CADM2: variants seen among roughly 807,000 people sequenced by gnomAD.
CADM2 encodes the protein immunoglobulin superfamily member 4D.
CADM2 carries 12 observed loss-of-function variants against 49.8 expected under a neutral mutation model. That is an observed-to-expected ratio of 0.24 (90% CI 0.15 to 0.39). CADM2 has a LOEUF of 0.39. Among genes scored for constraint, CADM2 ranks in the 10% least tolerant of loss-of-function variants. The pLI, the probability that CADM2 is intolerant of heterozygous loss-of-function variation, is 1.00. For missense variants in CADM2, 378 were observed against 492.3 expected, an observed-to-expected ratio of 0.77 and a Z score of 2.20; for synonymous variants, 214 against 175.4, an observed-to-expected ratio of 1.22 and a Z score of -1.74.
rs138228983 is a variant in CADM2 at position 85,260,829 on chromosome 3, G to A, written c.61+301161G>A. Among the ~76,000 whole-genome samples, 18 of 152,190 alleles carry A rather than the reference G, an allele frequency of 1.2e-4. No individual in the cohort carries two copies. In the East Asian group the frequency reaches 2.1e-3, roughly 18 times the overall value. The stretch of plus-strand genomic sequence containing the variant: ...TAGTTTTTAATCTATCATTAGTAAC[G>A]AATTCTTTGTTAAACCTTGTGACTC... On this transcript the variant is annotated intron_variant, in intron 1 of 9. Transcript: ENST00000383699.
At chr3:85,651,458 T>A (rs1051876886) in intron 1 of CADM2, among the ~76,000 whole-genome samples, 1 of 152,106 alleles carries the variant, frequency 6.6e-6, no homozygotes. Context: ...TATGAAGACA[T>A]GGTCAGTTAA....
intron 1 of CADM2, among the ~76,000 whole-genome samples, chr3:85,100,997 T>A (rs2037989844): frequency 6.6e-6 from 1 of 152,196 alleles, no homozygotes; most frequent in Non-Finnish European, 1.5e-5. Context: ...GGCTCACGAC[T>A]GTAATCCCAG....
intron 1 of CADM2, among the ~76,000 whole-genome samples, chr3:85,153,307 T>C (rs1390645947): frequency 2.0e-5 from 3 of 152,244 alleles, no homozygotes; most frequent in Non-Finnish European, 4.4e-5. Context: ...CCTTTCCTAG[T>C]CAAAGAAAGG....
At chr3:85,675,769 G>GT (rs1296914381) in intron 1 of CADM2, among the ~76,000 whole-genome samples, 1 of 152,142 alleles carries the variant, frequency 6.6e-6, no homozygotes, top group Admixed American at 6.5e-5. Flanking sequence ...GTACTTTTGT[G>GT]ACAAAAGTGT....
chr3:85,860,074 T>C (rs1017724816), intron 3 of CADM2, among the ~76,000 whole-genome samples: 4 of 152,172 alleles, frequency 2.6e-5, no homozygotes, highest in African/African-American at 9.7e-5. Context: ...AGTTGTTATA[T>C]TGTGAGCCTG....
chr3:85,445,456 A>G (rs1332812610), intron 1 of CADM2, among the ~76,000 whole-genome samples: 1 of 152,068 alleles, frequency 6.6e-6, no homozygotes, highest in African/African-American at 2.4e-5. Context: ...TAGATAAAAC[A>G]TACTGTTGTA....
intron 1 of CADM2, among the ~76,000 whole-genome samples, chr3:85,283,599 A>G (rs1238967033): frequency 6.7e-6 from 1 of 150,170 alleles, no homozygotes; most frequent in Non-Finnish European, 1.5e-5. Context: ...GTATGCAAAC[A>G]TATGCATTGG....
Position 86,073,801 on chromosome 3 carries a change from C to T in CADM2, c.*7018C>T, listed in dbSNP as rs1333127014. ...TATGCCAAACACATTATTTTGAATA[C>T]CTTTTTTTCAACTTCATACATTATC... On this transcript the variant is annotated 3_prime_UTR_variant, in exon 10 of 10. Transcript: ENST00000383699. 2 of 151,906 alleles carry T rather than the reference C, an allele frequency of 1.3e-5. No individual in the cohort carries two copies. Among genetic ancestry groups the T allele is most frequent in the Non-Finnish European group, 2.9e-5 (2 of 67,878 alleles). 9.4% of individuals were successfully genotyped at this position (151,906 alleles called of 1,614,324 possible).
At chr3:85,342,627 A>T (rs2030006468) in intron 1 of CADM2, among the ~76,000 whole-genome samples, 1 of 146,354 alleles carries the variant, frequency 6.8e-6, no homozygotes, top group Admixed American at 7.0e-5. Context: ...AGAGAAGGGT[A>T]TTGGATAAGA....
At chr3:85,189,552 T>C (rs1342271682) in intron 1 of CADM2, among the ~76,000 whole-genome samples, 1 of 152,214 alleles carries the variant, frequency 6.6e-6, no homozygotes, top group East Asian at 1.9e-4. Context: ...TAAAACAACT[T>C]TGTAGGCATT....
rs1334935865 is a variant in CADM2 at position 86,073,898 on chromosome 3, G to T, written c.*7115G>T. On this transcript the variant is annotated 3_prime_UTR_variant, in exon 10 of 10. Transcript: ENST00000383699. ...TCTAAGTGGAAGTTTTAAAAATTAA[G>T]CATCAGTAAAATAAATGTTATCTTA... 2 of 151,676 alleles carry T rather than the reference G, an allele frequency of 1.3e-5. No homozygotes were observed. The highest frequency in any genetic ancestry group is 4.8e-5 in the African/African-American group (2 of 41,344). 9.4% of individuals were successfully genotyped at this position (151,676 alleles called of 1,614,324 possible).
chr3:85,388,764 A>G (rs1213876209), intron 1 of CADM2, among the ~76,000 whole-genome samples: 2 of 151,970 alleles, frequency 1.3e-5, no homozygotes, highest in Admixed American at 6.6e-5. Flanking sequence ...CAAAATTGAC[A>G]ACCTACCCAC....
At chr3:85,896,550 G>T (rs1039060242) in intron 5 of CADM2, among the ~76,000 whole-genome samples, 1 of 152,124 alleles carries the variant, frequency 6.6e-6, no homozygotes, top group Non-Finnish European at 1.5e-5. Context: ...ACCTGGTTAG[G>T]CACCAAAGCT....
intron 1 of CADM2, among the ~76,000 whole-genome samples, chr3:85,569,865 C>T (rs182937326): frequency 1.3e-5 from 2 of 152,086 alleles, no homozygotes; most frequent in Non-Finnish European, 2.9e-5. Flanking sequence ...TTATAATAGT[C>T]TTGTAAATAC....
At position 85,912,804 on chromosome 3, in the gene CADM2, C is replaced by T. The variant is rs746881143; in HGVS notation, c.700+261C>T. Reference sequence around the variant, plus strand: ...GTTTCAAATTGTGGCTTAACGTAGGCGTGCACGTAAGGGTGGGGGAGAAAA... The same window carrying T: ...GTTTCAAATTGTGGCTTAACGTAGGTGTGCACGTAAGGGTGGGGGAGAAAA... On this transcript the variant is annotated intron_variant, in intron 6 of 9. Coordinates refer to ENST00000383699, the MANE Select transcript of CADM2 (RefSeq NM_001167675.2). Among the ~76,000 whole-genome samples, 31 of 152,106 alleles carry T rather than the reference C, an allele frequency of 2.0e-4. 1 individual carries two copies. Among genetic ancestry groups the T allele is most frequent in the South Asian group, 6.2e-4 (3 of 4,810 alleles).
intron 6 of CADM2, 31 bp from the exon 7 acceptor site, chr3:85,935,736 A>G (rs1284944069): frequency 7.6e-7 from 1 of 1,308,300 alleles, no homozygotes; most frequent in Non-Finnish European, 1.1e-6. Flanking sequence ...TATGTGTTTA[A>G]TTACCTTTCT....
At chr3:85,623,330 G>A (rs78760753) in intron 1 of CADM2, among the ~76,000 whole-genome samples, 4 of 152,026 alleles carry the variant, frequency 2.6e-5, no homozygotes, top group African/African-American at 7.2e-5. Context: ...AATGTATAGG[G>A]TTAAACCATT....
At chr3:85,633,230 T>A (rs1329884475) in intron 1 of CADM2, among the ~76,000 whole-genome samples, 1 of 152,072 alleles carries the variant, frequency 6.6e-6, no homozygotes, top group Admixed American at 6.6e-5. Context: ...TGTGAGTGAT[T>A]TCTTATTTGT....
At chr3:85,350,496 A>G (rs1231645982) in intron 1 of CADM2, among the ~76,000 whole-genome samples, 1 of 152,146 alleles carries the variant, frequency 6.6e-6, no homozygotes, top group East Asian at 1.9e-4. Context: ...CTGTCTTCCA[A>G]AAAACCTCTT....
Sources: allele counts gnomAD v4.1 joint callset (sites outside exome capture counted in the v4.1 genomes callset), GRCh38; gene constraint gnomAD v4.1.1; transcripts MANE v1.5; gene names NCBI Gene and HGNC (gene_info 2026-07-23, HGNC 2026-07-21).